AMD1: variants seen among roughly 807,000 people sequenced by gnomAD.
AMD1 encodes S-adenosylmethionine decarboxylase proenzyme.
Under a neutral mutation model 40.2 loss-of-function variants are expected in AMD1, and 11 were observed. The ratio of observed to expected loss-of-function variants is 0.27; its 90% CI spans 0.17 to 0.45. The LOEUF is 0.45. AMD1 is among the 20% of genes least tolerant of loss of function. AMD1 has a pLI of 1.00. For synonymous variants in AMD1, 121 were observed against 130.8 expected, an observed-to-expected ratio of 0.93 and a Z score of 0.51; for missense variants, 257 against 410.2, an observed-to-expected ratio of 0.63 and a Z score of 3.23.
the AMD1 span, chr6:110,815,269 C>CTCT: frequency 1.9e-6 from 2 of 1,055,634 alleles, no homozygotes; most frequent in Non-Finnish European, 1.2e-6. Context: ...CGCCCGCCGC[C>CTCT]CGCCGCTCCG....
chr6:110,889,000 TTAAA>T lies in AMD1; in HGVS notation c.324+20_324+23del. On this transcript the variant is annotated intron_variant, in intron 3 of 8. Coordinates refer to ENST00000368885, the MANE Select transcript of AMD1 (RefSeq NM_001634.6). ...TCAATTCAAGTAAGTAAGCAAACAT[TTAAA>T]TATTTTTCAGGCATAAATGTTAGCG... 1 of 1,608,278 alleles carries T rather than the reference TTAAA, an allele frequency of 6.2e-7. No homozygotes were observed. Among genetic ancestry groups the T allele is most frequent in the Non-Finnish European group, 8.5e-7 (1 of 1,177,584 alleles).
At chr6:110,878,562 G>A (rs1280769317) in intron 1 of AMD1, among the ~76,000 whole-genome samples, 1 of 152,084 alleles carries the variant, frequency 6.6e-6, no homozygotes, top group African/African-American at 2.4e-5. Context: ...AGGGAGAGGC[G>A]GTTTCTTAGG....
At chr6:110,847,608 G>C in the AMD1 span, among the ~76,000 whole-genome samples, 196 of 152,144 alleles carry the variant, frequency 1.3e-3, 3 homozygotes, top group Non-Finnish European at 2.3e-3. Context: ...GGTCCACCCA[G>C]ATAATTAATG....
chr6:110,845,709 G>C, the AMD1 span, among the ~76,000 whole-genome samples: 1 of 152,176 alleles, frequency 6.6e-6, no homozygotes, highest in African/African-American at 2.4e-5. Context: ...AGGCTGCACT[G>C]TCGGCTTCCA....
chr6:110,816,468 TGATGTC>T, the AMD1 span, among the ~76,000 whole-genome samples: 1 of 152,206 alleles, frequency 6.6e-6, no homozygotes, highest in Non-Finnish European at 1.5e-5. Context: ...TCTGGCATAT[TGATGTC>T]TTTTAGCAAA....
the AMD1 span, among the ~76,000 whole-genome samples, chr6:110,825,296 G>A: frequency 6.6e-6 from 1 of 152,022 alleles, no homozygotes; most frequent in Non-Finnish European, 1.5e-5. Context: ...TTATTGTTCT[G>A]TATTATGGGT....
chr6:110,887,438 C>A, intron 1 of AMD1, 67 bp from the exon 2 acceptor site: 1 of 1,139,706 alleles, frequency 8.8e-7, no homozygotes, highest in South Asian at 1.5e-5. Context: ...AAAGTGTGAG[C>A]TTTGTAATTT....
At chr6:110,869,661 C>CA in the AMD1 span, among the ~76,000 whole-genome samples, 51 of 152,184 alleles carry the variant, frequency 3.4e-4, no homozygotes, top group African/African-American at 1.1e-3. Flanking sequence ...AGGCGTGCTC[C>CA]ACCACGCTCG....
the AMD1 span, among the ~76,000 whole-genome samples, chr6:110,837,050 G>A: frequency 6.6e-6 from 1 of 151,632 alleles, no homozygotes; most frequent in Non-Finnish European, 1.5e-5. Context: ...CTAACTACTT[G>A]AGAGGCTGAG....
Position 110,893,078 on chromosome 6 carries a change from TTTA to T in AMD1, c.864+20_864+22del. ...GTTTGTTAATCAGGTAATTTTATATTTTATTATTAATCAGGTTATTTGATTTTT... is the reference window on the plus strand; with the variant it reads ...GTTTGTTAATCAGGTAATTTTATATTTTATTAATCAGGTTATTTGATTTTT... On this transcript the variant is annotated intron_variant, in intron 8 of 8. Coordinates refer to ENST00000368885, the MANE Select transcript of AMD1 (RefSeq NM_001634.6). The T allele has an allele frequency of 6.3e-7, 1 of 1,579,514 alleles. No individual in the cohort carries two copies. The highest frequency in any genetic ancestry group is 8.6e-7 in the Non-Finnish European group (1 of 1,165,218).
At chr6:110,845,264 C>T in the AMD1 span, among the ~76,000 whole-genome samples, 1 of 151,910 alleles carries the variant, frequency 6.6e-6, no homozygotes, top group Admixed American at 6.6e-5. Flanking sequence ...GTCTCCAACT[C>T]CTGACCTCAA....
the AMD1 span, chr6:110,858,314 T>C: frequency 1.2e-6 from 1 of 836,134 alleles, no homozygotes; most frequent in South Asian, 1.4e-5. Context: ...CCTGTGCAAA[T>C]ATGACCCCCA....
the AMD1 span, chr6:110,815,497 T>A: frequency 5.7e-6 from 1 of 174,318 alleles, no homozygotes; most frequent in Admixed American, 6.3e-5. Context: ...CGGAGGCTCC[T>A]GGGAAATGAA....
the AMD1 span, among the ~76,000 whole-genome samples, chr6:110,842,943 G>C: frequency 2.6e-5 from 4 of 151,926 alleles, no homozygotes; most frequent in African/African-American, 9.7e-5. Flanking sequence ...GACCAGCCTG[G>C]ACAATATCAT....
chr6:110,858,911 G>C, the AMD1 span: 12 of 891,412 alleles, frequency 1.3e-5, no homozygotes, highest in African/African-American at 1.8e-4. Flanking sequence ...GACGGCTCCG[G>C]GACCCGGTTG....
At chr6:110,824,302 A>G in the AMD1 span, among the ~76,000 whole-genome samples, 4 of 152,214 alleles carry the variant, frequency 2.6e-5, no homozygotes, top group Admixed American at 1.3e-4. Context: ...CCATTATTCT[A>G]AGTGAAGTAA....
intron 1 of AMD1, among the ~76,000 whole-genome samples, chr6:110,876,337 G>A (rs905297510): frequency 1.3e-5 from 2 of 152,250 alleles, no homozygotes; most frequent in Admixed American, 6.5e-5. Context: ...CGGTGCAGCG[G>A]AGTAACTGGC....
chr6:110,814,787 C>T, the AMD1 span: 6 of 683,908 alleles, frequency 8.8e-6, no homozygotes, highest in East Asian at 1.5e-4. Context: ...ACCGACGCCT[C>T]GGACCGGGCT....
At chr6:110,827,665 T>G in the AMD1 span, among the ~76,000 whole-genome samples, 1 of 151,076 alleles carries the variant, frequency 6.6e-6, no homozygotes, top group Middle Eastern at 3.2e-3. Flanking sequence ...CTTGGGAGGT[T>G]GAGGCAGGAG....
Sources: allele counts gnomAD v4.1 joint callset (sites outside exome capture counted in the v4.1 genomes callset), GRCh38; gene constraint gnomAD v4.1.1; transcripts MANE v1.5; gene names NCBI Gene and HGNC (gene_info 2026-07-23, HGNC 2026-07-21).